The following ESRRG variants were observed in gnomAD, a reference collection of about 807,000 sequenced individuals.
The protein encoded by ESRRG is estrogen-related receptor gamma.
ESRRG carries 13 observed loss-of-function variants against 44.0 expected under a neutral mutation model. That is an observed-to-expected ratio of 0.30 (90% CI 0.19 to 0.47). The LOEUF (loss-of-function observed/expected upper bound fraction) is 0.47, where lower values mean the gene tolerates loss of function less well. ESRRG is among the 20% of genes least tolerant of loss of function. The pLI is 1.00. For missense variants in ESRRG, 395 were observed against 580.6 expected, an observed-to-expected ratio of 0.68 and a Z score of 3.29; for synonymous variants, 215 against 214.6, an observed-to-expected ratio of 1.00 and a Z score of -0.02.
chr1:216,512,646 C>A (rs1362914650), intron 6 of ESRRG, among the ~76,000 whole-genome samples: 1 of 151,898 alleles, frequency 6.6e-6, no homozygotes, highest in African/African-American at 2.4e-5. Context: ...TCAGGGGTTA[C>A]GTTACAAGTT....
At chr1:216,613,557 A>C (rs2060970447) in intron 3 of ESRRG, among the ~76,000 whole-genome samples, 1 of 152,202 alleles carries the variant, frequency 6.6e-6, no homozygotes, top group South Asian at 2.1e-4. Context: ...GTAAAGCCTC[A>C]TAATAACTAC....
intron 2 of ESRRG, among the ~76,000 whole-genome samples, chr1:216,664,190 T>A (rs2073276048): frequency 6.6e-6 from 1 of 152,046 alleles, no homozygotes; most frequent in African/African-American, 2.4e-5. Flanking sequence ...TAAAAGCTTT[T>A]AAAATATACA....
At chr1:216,985,566 CT>C (rs2074731493) in intron 1 of ESRRG, among the ~76,000 whole-genome samples, 1 of 152,168 alleles carries the variant, frequency 6.6e-6, no homozygotes, top group African/African-American at 2.4e-5. Flanking sequence ...TAGGAAGTTG[CT>C]TTCCCATTGG....
chr1:216,981,802 G>C (rs996484913), intron 1 of ESRRG, among the ~76,000 whole-genome samples: 2 of 152,072 alleles, frequency 1.3e-5, no homozygotes, highest in African/African-American at 2.4e-5. Flanking sequence ...ATGAGGGTCA[G>C]AGAAAGGAGT....
rs138663192 is a variant in ESRRG, at chr1:216,579,525, T to G, written c.590-11427A>C. Reference sequence around the variant, plus strand: ...ATAGCCTGTATTTTTGTTCTCAGACTGAGTGAAACGTGTGAAAATATAGAA... The same window carrying G: ...ATAGCCTGTATTTTTGTTCTCAGACGGAGTGAAACGTGTGAAAATATAGAA... On this transcript the variant is annotated intron_variant, in intron 3 of 6. Coordinates refer to ENST00000408911, the MANE Select transcript of ESRRG (RefSeq NM_001438.4). Among the ~76,000 whole-genome samples the G allele has an allele frequency of 5.9e-3, 906 of 152,272 alleles. 12 individuals are homozygous for G. The highest frequency in any genetic ancestry group is 0.021 in the African/African-American group (875 of 41,560).
chr1:216,656,817 G>A lies in ESRRG; in HGVS notation c.473-5728C>T, dbSNP rs181672722. On this transcript the variant is annotated intron_variant, in intron 2 of 6. Coordinates refer to ENST00000408911, the MANE Select transcript of ESRRG (RefSeq NM_001438.4). ...TTGTAAAGCCAATTTGAAAGCATCTGTATATTTCTCCCAATTGTTTTAATT... is the reference window on the plus strand; with the variant it reads ...TTGTAAAGCCAATTTGAAAGCATCTATATATTTCTCCCAATTGTTTTAATT... Among the ~76,000 whole-genome samples the A allele has an allele frequency of 1.7e-3, 259 of 152,224 alleles. 1 individual carries two copies. The highest frequency in any genetic ancestry group is 5.8e-3 in the African/African-American group (241 of 41,534).
At chr1:216,834,789 C>T (rs1053077829) in intron 2 of ESRRG, among the ~76,000 whole-genome samples, 2 of 151,990 alleles carry the variant, frequency 1.3e-5, no homozygotes, top group African/African-American at 4.8e-5. Context: ...GTCTAAGAAA[C>T]AGGGAGAAAG....
chr1:217,066,779 T>G (rs1358468793), intron 1 of ESRRG, among the ~76,000 whole-genome samples: 1 of 152,196 alleles, frequency 6.6e-6, no homozygotes, highest in African/African-American at 2.4e-5. Context: ...AGTGGCACCC[T>G]CTTCCAGTCT....
intron 2 of ESRRG, among the ~76,000 whole-genome samples, chr1:216,766,635 A>C (rs567297443): frequency 2.6e-4 from 39 of 152,268 alleles, no homozygotes; most frequent in African/African-American, 9.4e-4. Flanking sequence ...TTAGTGGGAA[A>C]ACCAGTGTGA....
intron 1 of ESRRG, among the ~76,000 whole-genome samples, chr1:217,053,665 T>C (rs549756490): frequency 6.6e-6 from 1 of 152,326 alleles, no homozygotes; most frequent in African/African-American, 2.4e-5. Flanking sequence ...ATAATTTGCA[T>C]GGCATGACAA....
At chr1:216,597,979 C>T (rs2058677988) in intron 3 of ESRRG, among the ~76,000 whole-genome samples, 1 of 152,096 alleles carries the variant, frequency 6.6e-6, no homozygotes, top group African/African-American at 2.4e-5. Flanking sequence ...ACCTATCAAC[C>T]CATATAGGCT....
rs994832935 is a variant in ESRRG at position 216,506,838 on chromosome 1, T to A, written c.*101A>T. 99 of 1,353,842 alleles carry A rather than the reference T, an allele frequency of 7.3e-5. No individual in the cohort carries two copies. Among genetic ancestry groups the A allele is most frequent in the Admixed American group, 2.4e-4 (11 of 45,396 alleles). 83.9% of individuals were successfully genotyped at this position (1,353,842 alleles called of 1,614,324 possible). On this transcript the variant is annotated 3_prime_UTR_variant, in exon 7 of 7. Transcript: ENST00000408911. ...TAAATTATCAGTGCAGTCTGTTGAT[T>A]TTTGATGTTGTTAACTAAACTCTAA...
chr1:216,962,036 T>C (rs190854006), intron 1 of ESRRG, among the ~76,000 whole-genome samples: 49 of 131,544 alleles, frequency 3.7e-4, no homozygotes, highest in Non-Finnish European at 6.1e-4. Context: ...ACACATGACA[T>C]AATTGTTACA....
In ESRRG at chr1:216,613,036, C is replaced by T. The variant is rs565872279; in HGVS notation, c.589+37937G>A. ...CGAATTGAACTGTAAATTGTTTCTG[C>T]TTTCCATAGTATCTTAAAGGGATTT... On this transcript the variant is annotated intron_variant, in intron 3 of 6. Transcript: ENST00000408911. Among the ~76,000 whole-genome samples, 18 of 152,200 alleles carry T rather than the reference C, an allele frequency of 1.2e-4. No homozygotes were observed. The South Asian group carries it at 2.9e-3, about 25-fold the overall frequency.
chr1:216,813,682 C>A (rs2095045422), intron 2 of ESRRG, among the ~76,000 whole-genome samples: 1 of 152,140 alleles, frequency 6.6e-6, no homozygotes, highest in South Asian at 2.1e-4. Flanking sequence ...CTGCCTTTTT[C>A]AGGGATGTCA....
At position 216,796,839 on chromosome 1, in the gene ESRRG, A is replaced by C. The variant is rs187428253; in HGVS notation, c.-13-119348T>G. Among the ~76,000 whole-genome samples the C allele has an allele frequency of 3.5e-4, 53 of 152,216 alleles. 2 individuals are homozygous for C. The East Asian group carries it at 9.7e-3, about 28-fold the overall frequency. On this transcript the variant is annotated intron_variant, in intron 2 of 7. Coordinates refer to the ESRRG transcript ENST00000359162. ...TCTTTCCCAGTCACCCAAGCTCAAAATGTCAGCATCACTTTTTTAAAAAAT... is the reference window on the plus strand; with the variant it reads ...TCTTTCCCAGTCACCCAAGCTCAAACTGTCAGCATCACTTTTTTAAAAAAT...
intron 2 of ESRRG, among the ~76,000 whole-genome samples, chr1:216,828,508 G>C (rs543077018): frequency 1.9e-4 from 29 of 152,172 alleles, no homozygotes; most frequent in African/African-American, 6.0e-4. Flanking sequence ...ACAATAGTAA[G>C]AGTTTTATAA....
rs954112058 is a variant in ESRRG, at chr1:216,913,375, G to A, written c.-14+26207C>T. Among the ~76,000 whole-genome samples, 10 of 151,872 alleles carry A rather than the reference G, an allele frequency of 6.6e-5. 1 individual carries two copies. Among genetic ancestry groups the A allele is most frequent in the Non-Finnish European group, 1.3e-4 (9 of 67,990 alleles). ...AGGGACTTGAGTATTCATGGATTTC[G>A]GTCGGGGGTGGGGGTGGCTACTGGA... On this transcript the variant is annotated intron_variant, in intron 2 of 7. Coordinates refer to the ESRRG transcript ENST00000359162.
intron 2 of ESRRG, among the ~76,000 whole-genome samples, chr1:216,929,500 G>T (rs1336056831): frequency 6.6e-6 from 1 of 152,132 alleles, no homozygotes; most frequent in African/African-American, 2.4e-5. Flanking sequence ...GCTGGGAGAG[G>T]GAGTGCTTGA....
Sources: allele counts gnomAD v4.1 joint callset (sites outside exome capture counted in the v4.1 genomes callset), GRCh38; gene constraint gnomAD v4.1.1; transcripts MANE v1.5; gene names NCBI Gene and HGNC (gene_info 2026-07-23, HGNC 2026-07-21).